INF2: variants seen among roughly 807,000 people sequenced by gnomAD.
INF2 encodes inverted formin 2.
In INF2, 43 loss-of-function variants were observed where a neutral mutation model predicts 123.5. That is an observed-to-expected ratio of 0.35 (90% CI 0.27 to 0.45). The LOEUF (loss-of-function observed/expected upper bound fraction) is 0.45, where lower values mean the gene tolerates loss of function less well. INF2 is among the 20% of genes least tolerant of loss of function. INF2 has a pLI of 1.00. For missense variants in INF2, 1,453 were observed against 1,682.7 expected, an observed-to-expected ratio of 0.86 and a Z score of 2.39; for synonymous variants, 851 against 745.0, an observed-to-expected ratio of 1.14 and a Z score of -2.32.
chr14:104,701,382 G>T lies in INF2; in HGVS notation c.17G>T (p.Gly6Val). The T allele has an allele frequency of 2.5e-6, 4 of 1,586,066 alleles. No individual in the cohort carries two copies. The highest frequency in any genetic ancestry group is 3.4e-6 in the Non-Finnish European group (4 of 1,165,524). ...CTCGGCAAGATGTCGGTGAAGGAGG[G>T]CGCACAGCGCAAGTGGGCAGCGCTG... The part of the protein sequence containing the change: MSVKE[G>V]AQRKWAALKE... Residue 6 changes from glycine (G) to valine (V), a missense_variant, in exon 2 of 23, where the codon GGC becomes GTC. Coordinates refer to ENST00000392634, the MANE Select transcript of INF2 (RefSeq NM_022489.4).
rs1483771844 is a variant in INF2 at position 104,714,855 on chromosome 14, A to G, written c.3693A>G (p.Glu1231=). The change falls in exon 21 of 23, where the codon GAA becomes GAG. Residue 1231 remains glutamate (E), a splice_region_variant and synonymous_variant. Transcript: ENST00000392634. ...RRKKRPSRSQ[E]EVPPDSDDNK... ...AGAAGCGTCCCTCCAGGAGCCAGGA[A>G]GGTAACTCAGGGAGGGGCCCCGGGC... 6.4e-7 allele frequency: 1 copy of G among 1,561,306 alleles called. No individual in the cohort carries two copies. Among genetic ancestry groups the G allele is most frequent in the Non-Finnish European group, 8.6e-7 (1 of 1,159,976 alleles).
rs1195645840 is a variant in INF2 at position 104,708,736 on chromosome 14, A to T, written c.1949+4A>T. ...TCTTCCTGAAGCAATTTAAGTGGTG[A>T]GTGAGGGAGGTAGCCCCCATCCCAG... On this transcript the variant is annotated splice_donor_region_variant and intron_variant, in intron 10 of 22. Coordinates refer to ENST00000392634, the MANE Select transcript of INF2 (RefSeq NM_022489.4). The T allele has an allele frequency of 6.2e-7, 1 of 1,612,864 alleles. No homozygotes were observed. The highest frequency in any genetic ancestry group is 8.5e-7 in the Non-Finnish European group (1 of 1,179,808).
chr14:104,715,831 AG>A (rs1430591390), intron 22 of INF2: 1 of 460,762 alleles, frequency 2.2e-6, no homozygotes, highest in Non-Finnish European at 4.3e-6. Flanking sequence ...GCATGTCCCC[AG>A]GAAGTCTGTG....
At chr14:104,717,342 C>T (rs894466111) in intron 22 of INF2, among the ~76,000 whole-genome samples, 1 of 151,078 alleles carries the variant, frequency 6.6e-6, no homozygotes, top group Non-Finnish European at 1.5e-5. Context: ...TCCGCCCCCC[C>T]GGGCAGGGTG....
intron 15 of INF2, 138 bp downstream of exon 15, chr14:104,711,324 G>A: frequency 2.5e-6 from 2 of 784,620 alleles, no homozygotes; most frequent in Non-Finnish European, 4.2e-6. Context: ...TCTAGAGCCA[G>A]CAGCCTCAGT....
At chr14:104,713,820 G>A (rs1890167147) in intron 20 of INF2, among the ~76,000 whole-genome samples, 1 of 152,218 alleles carries the variant, frequency 6.6e-6, no homozygotes, top group Non-Finnish European at 1.5e-5. Flanking sequence ...TGTAACCGCA[G>A]GCCCTGCCCT....
At chr14:104,698,194 C>G (rs143528756) in intron 1 of INF2, among the ~76,000 whole-genome samples, 1,942 of 152,382 alleles carry the variant, frequency 0.013, 21 homozygotes, top group Non-Finnish European at 0.021. Context: ...CAGGGGCACA[C>G]AGCTCAGCAA....
Position 104,708,651 on chromosome 14 carries a change from T to G in INF2, c.1888-20T>G. On this transcript the variant is annotated intron_variant, in intron 9 of 22. Coordinates refer to ENST00000392634, the MANE Select transcript of INF2 (RefSeq NM_022489.4). ...CTGGCCACCCTCCGGTACCAGCCTG[T>G]TGGGTGGGGGGTTTTCTAGATCACT... 6.2e-7 allele frequency: 1 copy of G among 1,612,660 alleles called. No homozygotes were observed. The highest frequency in any genetic ancestry group is 8.5e-7 in the Non-Finnish European group (1 of 1,179,750).
intron 21 of INF2, 97 bp from the exon 22 acceptor site, chr14:104,715,186 TG>T: frequency 8.4e-7 from 1 of 1,188,470 alleles, no homozygotes; most frequent in Non-Finnish European, 1.3e-6. Context: ...CAGAGGGTGT[TG>T]GCATGGCTGT....
intron 22 of INF2, chr14:104,715,986 G>A (rs1211329957): frequency 6.6e-6 from 3 of 455,612 alleles, no homozygotes; most frequent in Non-Finnish European, 1.3e-5. Flanking sequence ...CGAGTCTTCT[G>A]GGGGGCGACC....
At chr14:104,716,733 C>T (rs1167401165) in intron 22 of INF2, among the ~76,000 whole-genome samples, 1 of 152,212 alleles carries the variant, frequency 6.6e-6, no homozygotes, top group African/African-American at 2.4e-5. Flanking sequence ...CTCTGTTGCC[C>T]AGGCTGGAGT....
intron 1 of INF2, among the ~76,000 whole-genome samples, chr14:104,700,522 C>T (rs535883883): frequency 1.3e-5 from 2 of 152,270 alleles, no homozygotes; most frequent in South Asian, 4.1e-4. Flanking sequence ...AGGCCAGTTC[C>T]CAGGGTCTGT....
intron 10 of INF2, 100 bp downstream of exon 10, chr14:104,708,832 G>A (rs913102338): frequency 1.4e-4 from 176 of 1,218,158 alleles, no homozygotes; most frequent in Admixed American, 4.9e-4. Context: ...GCCGCCATGG[G>A]AAGTGCACAC....
intron 18 of INF2, 39 bp downstream of exon 18, chr14:104,713,031 G>T (rs1170517476): frequency 6.2e-7 from 1 of 1,610,942 alleles, no homozygotes; most frequent in Non-Finnish European, 8.5e-7. Context: ...TCTGGCTAGA[G>T]TGGGGTCCCG....
Position 104,712,744 on chromosome 14 carries a change from G to A in INF2, c.2611-84G>A, listed in dbSNP as rs10144190. 0.54 allele frequency: 810,845 copies of A among 1,495,006 alleles called. 224,153 individuals are homozygous for A. The highest frequency in any genetic ancestry group is 0.91 in the East Asian group (37,839 of 41,666). 92.6% of individuals were successfully genotyped at this position (1,495,006 alleles called of 1,614,324 possible). On this transcript the variant is annotated intron_variant, in intron 17 of 22. Transcript: ENST00000392634. ...GTCCTCAGGGCCTGTCCCTGTGGCC[G>A]TCACCCTCCCGCAACTCAGGGCCTC...
chr14:104,697,571 G>A (rs774260201), intron 1 of INF2, among the ~76,000 whole-genome samples: 2 of 152,374 alleles, frequency 1.3e-5, no homozygotes, highest in African/African-American at 2.4e-5. Context: ...ACTGCTAGGC[G>A]GGGCGGTGGC....
chr14:104,709,171 T>C (rs1020174938), intron 10 of INF2, 110 bp from the exon 11 acceptor site: 2 of 799,546 alleles, frequency 2.5e-6, no homozygotes, highest in Non-Finnish European at 4.2e-6. Context: ...CCCCCTGCCC[T>C]GGCCACCCCA....
chr14:104,713,103 ATGT>A, intron 18 of INF2, 101 bp from the exon 19 acceptor site: 1 of 1,608,062 alleles, frequency 6.2e-7, no homozygotes, highest in Non-Finnish European at 8.5e-7. Context: ...CGACACAGCC[ATGT>A]GGGCCCTGCG....
chr14:104,709,117 C>T (rs137960287), intron 10 of INF2, among the ~76,000 whole-genome samples, 164 bp from the exon 11 acceptor site: 1 of 152,266 alleles, frequency 6.6e-6, no homozygotes, highest in East Asian at 1.9e-4. Context: ...GCCTGGGTCC[C>T]CTTCACCGCG....
Sources: gnomAD v4.1 joint callset for allele counts (sites outside exome capture counted in the v4.1 genomes callset) on GRCh38, gnomAD v4.1.1 for gene constraint, MANE v1.5 for transcripts, NCBI Gene and HGNC (gene_info 2026-07-23, HGNC 2026-07-21) for gene names.